CLVS1: variants seen among roughly 807,000 people sequenced by gnomAD.
The protein encoded by CLVS1 is clavesin-1.
In CLVS1, 10 loss-of-function variants were observed where a neutral mutation model predicts 33.1. That is an observed-to-expected ratio of 0.30 (90% confidence interval 0.19 to 0.51). The LOEUF (loss-of-function observed/expected upper bound fraction) is 0.51. Ranked by LOEUF, CLVS1 falls within the 20% of genes least tolerant of loss-of-function variation. The pLI, the probability that CLVS1 is intolerant of heterozygous loss-of-function variation, is 0.97. For missense variants in CLVS1, 343 were observed against 433.4 expected (o/e 0.79, Z 1.85); for synonymous variants, 163 against 166.1 (o/e 0.98, Z 0.14).
At chr8:61,367,655 A>G (rs1469660339) in intron 2 of CLVS1, among the ~76,000 whole-genome samples, 1 of 152,198 alleles carries the variant, frequency 6.6e-6, no homozygotes, top group Non-Finnish European at 1.5e-5. Context: ...TCTGCACTTC[A>G]TCATTACCAG....
chr8:61,094,690 T>G (rs570972520), intron 1 of CLVS1, among the ~76,000 whole-genome samples: 3 of 152,270 alleles, frequency 2.0e-5, no homozygotes, highest in Non-Finnish European at 2.9e-5. Context: ...CCTTGTAGAT[T>G]AGGACACAGA....
At chr8:61,120,572 TGTTA>T (rs1413924491) in intron 1 of CLVS1, among the ~76,000 whole-genome samples, 2 of 97,628 alleles carry the variant, frequency 2.0e-5, no homozygotes, top group Non-Finnish European at 3.7e-5. Flanking sequence ...CCTTTGTGTT[TGTTA>T]GTTTTCCTTC....
chr8:61,273,247 GC>G (rs1328803812), intron 2 of CLVS1, among the ~76,000 whole-genome samples: 1 of 151,982 alleles, frequency 6.6e-6, no homozygotes, highest in Non-Finnish European at 1.5e-5. Flanking sequence ...GGAATACCCT[GC>G]CGTGTGAGGT....
At chr8:61,021,925 C>G in the CLVS1 span, among the ~76,000 whole-genome samples, 1 of 152,140 alleles carries the variant, frequency 6.6e-6, no homozygotes, top group Non-Finnish European at 1.5e-5. Flanking sequence ...GTCTACTGTT[C>G]CCATCTTTAT....
At chr8:61,245,243 G>T (rs1006886333) in intron 2 of CLVS1, among the ~76,000 whole-genome samples, 4 of 151,826 alleles carry the variant, frequency 2.6e-5, no homozygotes, top group African/African-American at 7.3e-5. Flanking sequence ...TCTGTTGGTA[G>T]GTGATCTCAG....
At chr8:61,445,102 C>A (rs1816704925) in intron 3 of CLVS1, among the ~76,000 whole-genome samples, 1 of 152,134 alleles carries the variant, frequency 6.6e-6, no homozygotes, top group Admixed American at 6.5e-5. Context: ...ACATTGATTT[C>A]TATAATATAA....
intron 1 of CLVS1, among the ~76,000 whole-genome samples, chr8:61,087,967 GA>G (rs1805156184): frequency 6.6e-6 from 1 of 152,092 alleles, no homozygotes; most frequent in African/African-American, 2.4e-5. Flanking sequence ...TCAATATCTT[GA>G]TATTTGGTTT....
intron 1 of CLVS1, among the ~76,000 whole-genome samples, chr8:61,116,588 T>C (rs1446251216): frequency 6.6e-6 from 1 of 152,186 alleles, no homozygotes; most frequent in Non-Finnish European, 1.5e-5. Flanking sequence ...TTTCTACATA[T>C]GGCTAGCCAA....
intron 2 of CLVS1, among the ~76,000 whole-genome samples, chr8:61,186,555 C>T (rs112667404): frequency 7.9e-5 from 12 of 152,212 alleles, no homozygotes; most frequent in African/African-American, 2.9e-4. Flanking sequence ...ACTGCCTTTC[C>T]TCCCATGACC....
intron 2 of CLVS1, among the ~76,000 whole-genome samples, chr8:61,320,178 C>T (rs1468786699): frequency 1.3e-5 from 2 of 152,064 alleles, no homozygotes; most frequent in East Asian, 1.9e-4. Flanking sequence ...GAGTTATCTG[C>T]TCTGCCTTTG....
intron 3 of CLVS1, among the ~76,000 whole-genome samples, chr8:61,396,440 TA>T (rs1193592040): frequency 7.8e-6 from 1 of 127,762 alleles, no homozygotes; most frequent in Non-Finnish European, 1.7e-5. Flanking sequence ...GAGAGAACCA[TA>T]GTTCATCTTT....
intron 3 of CLVS1, among the ~76,000 whole-genome samples, chr8:61,420,366 G>A (rs1563545469): frequency 6.6e-6 from 1 of 152,194 alleles, no homozygotes. Context: ...TTGGGAGGCT[G>A]AGGCAGGCAG....
In CLVS1 at chr8:61,402,041, T is replaced by C. The variant is rs186909421; in HGVS notation, c.630+25262T>C. On this transcript the variant is annotated intron_variant, in intron 3 of 5. Coordinates refer to ENST00000325897, the MANE Select transcript of CLVS1 (RefSeq NM_173519.3). ...GGGCCTATAAGAAATCTTAGGTATCTTTTATTCACAAGGCCTGGAACCCAC... is the reference window on the plus strand; with the variant it reads ...GGGCCTATAAGAAATCTTAGGTATCCTTTATTCACAAGGCCTGGAACCCAC... 7.2e-5 allele frequency among the ~76,000 whole-genome samples: 11 copies of C among 152,284 alleles called. No homozygotes were observed. In the South Asian group the frequency reaches 1.4e-3, roughly 20 times the overall value.
chr8:61,423,855 A>G (rs1815777212), intron 3 of CLVS1, among the ~76,000 whole-genome samples: 1 of 152,250 alleles, frequency 6.6e-6, no homozygotes, highest in Non-Finnish European at 1.5e-5. Context: ...GAGCAACATT[A>G]AAGGATGAAA....
the CLVS1 span, among the ~76,000 whole-genome samples, chr8:60,983,349 G>A: frequency 2.0e-5 from 3 of 152,162 alleles, no homozygotes; most frequent in Admixed American, 6.5e-5. Flanking sequence ...TTGTATGTGT[G>A]CCAACATTTG....
At chr8:61,236,384 C>T (rs2978551) in intron 2 of CLVS1, among the ~76,000 whole-genome samples, 38,489 of 152,024 alleles carry the variant, frequency 0.25, 6,073 homozygotes, top group Non-Finnish European at 0.33. Flanking sequence ...CGGAGTGAAA[C>T]CTACCTGCTA....
the CLVS1 span, among the ~76,000 whole-genome samples, chr8:61,002,301 G>A: frequency 1.4e-5 from 2 of 140,344 alleles, no homozygotes; most frequent in Admixed American, 7.2e-5. Context: ...ACTTTAACAT[G>A]TATTCTAGTT....
chr8:61,253,084 C>T (rs1808987471), intron 2 of CLVS1, among the ~76,000 whole-genome samples: 2 of 152,182 alleles, frequency 1.3e-5, no homozygotes, highest in East Asian at 3.9e-4. Flanking sequence ...ATGTTTAGTG[C>T]TTCCTTCAGG....
intron 2 of CLVS1, among the ~76,000 whole-genome samples, chr8:61,158,357 G>C (rs1039471534): frequency 3.3e-5 from 5 of 152,166 alleles, no homozygotes; most frequent in Non-Finnish European, 7.3e-5. Context: ...CCAGCTCAAT[G>C]GAAGTGCTCA....
Sources: gnomAD v4.1 joint callset for allele counts (sites outside exome capture counted in the v4.1 genomes callset) on GRCh38, gnomAD v4.1.1 for gene constraint, MANE v1.5 for transcripts, NCBI Gene and HGNC (gene_info 2026-07-23, HGNC 2026-07-21) for gene names.